The following MEGF6 variants were observed in gnomAD, a reference collection of about 807,000 sequenced individuals.
MEGF6 encodes multiple epidermal growth factor-like domains protein 6.
In MEGF6, 184 loss-of-function variants were observed where a neutral mutation model predicts 207.1. The ratio of observed to expected loss-of-function variants is 0.89; its 90% CI spans 0.79 to 1.00. MEGF6 has a LOEUF of 1.00. MEGF6 is among the 50% of genes least tolerant of loss of function. MEGF6 has a pLI of 0.00. For synonymous variants in MEGF6, 1,038 were observed against 910.0 expected, an observed-to-expected ratio of 1.14 and a Z score of -2.53; for missense variants, 2,282 against 2,202.9, an observed-to-expected ratio of 1.04 and a Z score of -0.72.
At chr1:3,554,187 TG>T (rs1394389573) in intron 4 of MEGF6, among the ~76,000 whole-genome samples, 3 of 152,034 alleles carry the variant, frequency 2.0e-5, no homozygotes, top group African/African-American at 7.2e-5. Flanking sequence ...TGCACCCTGC[TG>T]CATGCCGTGG....
At chr1:3,512,646 CCT>C (rs1641394856) in intron 7 of MEGF6, among the ~76,000 whole-genome samples, 1 of 152,162 alleles carries the variant, frequency 6.6e-6, no homozygotes, top group Non-Finnish European at 1.5e-5. Flanking sequence ...CTGCACAAGC[CCT>C]CTCTTTTCCT....
intron 14 of MEGF6, among the ~76,000 whole-genome samples, chr1:3,506,446 G>A (rs994563313): frequency 6.6e-6 from 1 of 152,188 alleles, no homozygotes; most frequent in Non-Finnish European, 1.5e-5. Flanking sequence ...TGTGGCAAGG[G>A]CGGGTGGAAG....
rs934787783 is a variant in MEGF6 at position 3,599,245 on chromosome 1, C to T, written c.266+3221G>A. 3.9e-5 allele frequency among the ~76,000 whole-genome samples: 6 copies of T among 152,356 alleles called. No homozygotes were observed. In the East Asian group the frequency reaches 9.7e-4, roughly 25 times the overall value. On this transcript the variant is annotated intron_variant, in intron 2 of 36. Coordinates refer to ENST00000356575, the MANE Select transcript of MEGF6 (RefSeq NM_001409.4). ...GAGGCTTTGGCGGGTTCCCACCCTACTGGGTCTCATCCAGCCTGCTGGCCT... is the reference window on the plus strand; with the variant it reads ...GAGGCTTTGGCGGGTTCCCACCCTATTGGGTCTCATCCAGCCTGCTGGCCT...
At position 3,605,485 on chromosome 1, in the gene MEGF6, A is replaced by G. The variant is rs116469737; in HGVS notation, c.132-2885T>C. ...GCTTACCTATACACACATATACACA[A>G]TTACACACATACACACACAATCACA... On this transcript the variant is annotated intron_variant, in intron 1 of 36. Coordinates refer to ENST00000356575, the MANE Select transcript of MEGF6 (RefSeq NM_001409.4). Among the ~76,000 whole-genome samples the G allele has an allele frequency of 7.7e-3, 1,155 of 149,642 alleles. 26 individuals are homozygous for G. In the East Asian group the frequency reaches 0.098, roughly 13 times the overall value.
At chr1:3,519,683 G>A (rs1385048642) in intron 5 of MEGF6, among the ~76,000 whole-genome samples, 1 of 152,208 alleles carries the variant, frequency 6.6e-6, no homozygotes, top group Non-Finnish European at 1.5e-5. Context: ...CACACCAGGC[G>A]GCGGTCAGAG....
chr1:3,501,716 G>A, intron 18 of MEGF6, 80 bp downstream of exon 18: 1 of 1,530,510 alleles, frequency 6.5e-7, no homozygotes, highest in South Asian at 1.3e-5. Context: ...GCAGGGCTGG[G>A]GCCCCCACAG....
At chr1:3,605,516 ACACATT>A (rs1190891408) in intron 1 of MEGF6, among the ~76,000 whole-genome samples, 2 of 149,722 alleles carry the variant, frequency 1.3e-5, no homozygotes, top group African/African-American at 2.5e-5. Flanking sequence ...TCACACACAT[ACACATT>A]CACACTCACA....
At chr1:3,503,635 GGT>G (rs1191623366) in intron 17 of MEGF6, among the ~76,000 whole-genome samples, 1 of 152,060 alleles carries the variant, frequency 6.6e-6, no homozygotes, top group Non-Finnish European at 1.5e-5. Flanking sequence ...GTGAGCTGCT[GGT>G]GTGTGTCTGC....
At chr1:3,575,503 T>C (rs1643615563) in intron 4 of MEGF6, among the ~76,000 whole-genome samples, 1 of 152,168 alleles carries the variant, frequency 6.6e-6, no homozygotes, top group Non-Finnish European at 1.5e-5. Flanking sequence ...AGGGTATTAG[T>C]CCGTTTTCCA....
intron 4 of MEGF6, chr1:3,531,542 A>G (rs1234470695): frequency 1.2e-6 from 1 of 859,022 alleles, no homozygotes; most frequent in Non-Finnish European, 1.3e-6. Flanking sequence ...CACCTCCCCC[A>G]GGGGGCCGCG....
intron 26 of MEGF6, 113 bp from the exon 27 acceptor site, chr1:3,497,474 C>A: frequency 7.7e-7 from 1 of 1,294,544 alleles, no homozygotes. Context: ...GCTGGCTGAA[C>A]TGGGGGCTGT....
intron 3 of MEGF6, among the ~76,000 whole-genome samples, chr1:3,591,346 C>T (rs1370779732): frequency 6.6e-6 from 1 of 152,200 alleles, no homozygotes; most frequent in Non-Finnish European, 1.5e-5. Context: ...TGCTCACAAG[C>T]CCTTGGCCAA....
chr1:3,490,532 T>C lies in MEGF6; in HGVS notation c.4622A>G (p.His1541Arg). The change falls in exon 37 of 37, where the codon CAC (histidine) becomes CGC (arginine). Residue 1541 changes from histidine to arginine, a missense_variant. Coordinates refer to ENST00000356575, the MANE Select transcript of MEGF6 (RefSeq NM_001409.4). ...PTSRSGGPAR[H>R] Reference sequence around the variant, plus strand: ...GGCTCCACGGGACTGCCTCTACTAGTGCCTCGCTGGTCCACCGCTCCGGGA... The same window carrying C: ...GGCTCCACGGGACTGCCTCTACTAGCGCCTCGCTGGTCCACCGCTCCGGGA... 1.2e-6 allele frequency: 2 copies of C among 1,613,014 alleles called. No homozygotes were observed. Among genetic ancestry groups the C allele is most frequent in the Non-Finnish European group, 1.7e-6 (2 of 1,179,820 alleles).
chr1:3,598,961 C>T (rs544294986), intron 2 of MEGF6, among the ~76,000 whole-genome samples: 1 of 152,280 alleles, frequency 6.6e-6, no homozygotes, highest in East Asian at 1.9e-4. Flanking sequence ...AAGGCAAGAC[C>T]CCTGAATACC....
intron 32 of MEGF6, 39 bp from the exon 33 acceptor site, chr1:3,494,163 T>C (rs1640499716): frequency 1.3e-6 from 2 of 1,524,204 alleles, no homozygotes; most frequent in Non-Finnish European, 8.8e-7. Flanking sequence ...GGGCACACGG[T>C]GGCAGAAATG....
Position 3,572,319 on chromosome 1 carries a change from GGTCCTCCTGGGTGTGCTGGGTTCTCTC to G in MEGF6, c.481+7479_481+7505del, listed in dbSNP as rs1187742220. 1.2e-4 allele frequency among the ~76,000 whole-genome samples: 17 copies of G among 143,702 alleles called. 1 individual carries two copies. Among genetic ancestry groups the G allele is most frequent in the African/African-American group, 4.5e-4 (17 of 37,542 alleles). 94.3% of individuals were successfully genotyped at this position (143,702 alleles called of 152,430 possible). ...TGCTGGGTCCTTCCTGGGTGTGCTG[GGTCCTCCTGGGTGTGCTGGGTTCTCTC>G]AGGTGTGCTGGGTCCTCCTGGGTGT... On this transcript the variant is annotated intron_variant, in intron 4 of 36. Coordinates refer to ENST00000356575, the MANE Select transcript of MEGF6 (RefSeq NM_001409.4).
intron 2 of MEGF6, 132 bp from the exon 3 acceptor site, chr1:3,595,579 CT>C: frequency 1.4e-6 from 1 of 720,848 alleles, no homozygotes. Context: ...ACCAAGGTTC[CT>C]GGGTGGGGTG....
intron 1 of MEGF6, among the ~76,000 whole-genome samples, chr1:3,605,890 C>T (rs1228736944): frequency 6.6e-6 from 1 of 152,182 alleles, no homozygotes; most frequent in East Asian, 1.9e-4. Context: ...CAGGACCCGG[C>T]CCCCACCCAA....
intron 5 of MEGF6, among the ~76,000 whole-genome samples, chr1:3,519,355 G>A (rs1570032972): frequency 6.6e-6 from 1 of 152,220 alleles, no homozygotes; most frequent in Admixed American, 6.5e-5. Flanking sequence ...GCAGCAGCTG[G>A]ACCACACACA....
Sources: gnomAD v4.1 joint callset for allele counts (sites outside exome capture counted in the v4.1 genomes callset) on GRCh38, gnomAD v4.1.1 for gene constraint, MANE v1.5 for transcripts, NCBI Gene and HGNC (gene_info 2026-07-23, HGNC 2026-07-21) for gene names.